TRPC4: variants seen among roughly 807,000 people sequenced by gnomAD.
TRPC4 encodes the protein transient receptor potential cation channel subfamily C member 4, also known as short transient receptor potential channel 4.
In TRPC4, 49 loss-of-function variants were observed where a neutral mutation model predicts 99.4. That is an observed-to-expected ratio of 0.49 (90% CI 0.39 to 0.63). TRPC4 has a LOEUF of 0.63. Ranked by LOEUF, TRPC4 falls within the 20% of genes least tolerant of loss-of-function variation. The probability of loss-of-function intolerance (pLI) is 0.00; values close to 1 mark genes in which losing one functional copy is unlikely to be tolerated. For synonymous variants in TRPC4, 454 were observed against 425.9 expected, an observed-to-expected ratio of 1.07 and a Z score of -0.81; for missense variants, 898 against 1,152.9, an observed-to-expected ratio of 0.78 and a Z score of 3.20.
At position 37,655,365 on chromosome 13, in the gene TRPC4, T is replaced by TTATATATATATA. The variant is rs61181512; in HGVS notation, c.1689-94_1689-83dup. On this transcript the variant is annotated intron_variant, in intron 6 of 10. Transcript: ENST00000379705. ...GATAAAACAATAAAGCTTGGCATGA[T>TTATATATATATA]TATATATATATATATATATAATTAA... 368 of 370,922 alleles carry TTATATATATATA rather than the reference T, an allele frequency of 9.9e-4. 2 individuals carry two copies. Among genetic ancestry groups the TTATATATATATA allele is most frequent in the African/African-American group, 8.9e-3 (343 of 38,500 alleles). 23.0% of individuals were successfully genotyped at this position (370,922 alleles called of 1,614,324 possible).
intron 1 of TRPC4, among the ~76,000 whole-genome samples, chr13:37,862,963 T>G (rs1959482398): frequency 6.6e-6 from 1 of 151,540 alleles, no homozygotes; most frequent in South Asian, 2.1e-4. Flanking sequence ...ACTGTACTTT[T>G]TCTATGTTTA....
intron 3 of TRPC4, among the ~76,000 whole-genome samples, chr13:37,710,798 AG>A (rs1257686115): frequency 6.6e-6 from 1 of 151,890 alleles, no homozygotes; most frequent in Non-Finnish European, 1.5e-5. Flanking sequence ...GGATTTTATC[AG>A]TTACAGATTT....
At chr13:37,754,257 C>T (rs1956036939) in intron 2 of TRPC4, among the ~76,000 whole-genome samples, 1 of 152,066 alleles carries the variant, frequency 6.6e-6, no homozygotes. Context: ...AACTCTTCCT[C>T]CTTCCTTTTG....
chr13:37,695,078 G>T (rs1322573721), intron 3 of TRPC4, among the ~76,000 whole-genome samples: 2 of 151,850 alleles, frequency 1.3e-5, no homozygotes, highest in East Asian at 3.9e-4. Context: ...TTATATTATG[G>T]GATTTTTCAG....
chr13:37,822,326 C>T (rs551630599), intron 1 of TRPC4, among the ~76,000 whole-genome samples: 4 of 151,944 alleles, frequency 2.6e-5, no homozygotes, highest in African/African-American at 7.2e-5. Context: ...GCACAATGTG[C>T]AGGTTAGTTA....
chr13:37,708,664 CACACACACAT>C (rs1954371514), intron 3 of TRPC4, among the ~76,000 whole-genome samples: 2 of 149,664 alleles, frequency 1.3e-5, no homozygotes, highest in African/African-American at 4.9e-5. Flanking sequence ...TATATATATA[CACACACACAT>C]ACACACACAT....
chr13:37,646,930 A>G (rs7335337), intron 8 of TRPC4, among the ~76,000 whole-genome samples: 5,163 of 152,330 alleles, frequency 0.034, 284 homozygotes, highest in African/African-American at 0.11. Context: ...GTTGTGCTCA[A>G]TAATACAGCA....
intron 2 of TRPC4, among the ~76,000 whole-genome samples, chr13:37,757,097 T>A (rs369422568): frequency 1.0e-5 from 1 of 99,430 alleles, no homozygotes; most frequent in Non-Finnish European, 2.3e-5. Flanking sequence ...CATTAAAAAA[T>A]ATGCAATGTG....
Position 37,806,835 on chromosome 13 carries a change from A to G in TRPC4, c.-27-23475T>C, listed in dbSNP as rs1490967523. On this transcript the variant is annotated intron_variant, in intron 1 of 10. Transcript: ENST00000379705. The stretch of plus-strand genomic sequence containing the variant: ...CATTCTACTAGTGTCACGTCCAAAC[A>G]TAAGCTGTAGTGCCTCTTCACACAC... Among the ~76,000 whole-genome samples the G allele has an allele frequency of 2.6e-5, 4 of 152,020 alleles. No individual in the cohort carries two copies. The East Asian group carries it at 5.8e-4, about 22-fold the overall frequency.
At chr13:37,788,412 G>A in intron 1 of TRPC4, among the ~76,000 whole-genome samples, 1 of 152,016 alleles carries the variant, frequency 6.6e-6, no homozygotes, top group East Asian at 1.9e-4. Context: ...CTCTAACATG[G>A]TGTTTATCCT....
chr13:37,855,959 T>A (rs1194495440), intron 1 of TRPC4, among the ~76,000 whole-genome samples: 1 of 151,780 alleles, frequency 6.6e-6, no homozygotes, highest in African/African-American at 2.4e-5. Flanking sequence ...GATTTAAGGA[T>A]GCTTCTTACA....
intron 3 of TRPC4, among the ~76,000 whole-genome samples, chr13:37,726,007 C>T (rs1239143448): frequency 1.3e-5 from 2 of 152,042 alleles, no homozygotes; most frequent in East Asian, 1.9e-4. Flanking sequence ...ACCAGCATGG[C>T]CAATATGGTG....
chr13:37,814,341 G>GA (rs34394716), intron 1 of TRPC4, among the ~76,000 whole-genome samples: 43,698 of 150,294 alleles, frequency 0.29, 6,533 homozygotes, highest in East Asian at 0.43. Context: ...TTAGGTAAGG[G>GA]AAAAAAAAGG....
At chr13:37,637,853 T>A (rs1951583976) in intron 10 of TRPC4, among the ~76,000 whole-genome samples, 1 of 152,152 alleles carries the variant, frequency 6.6e-6, no homozygotes, top group Non-Finnish European at 1.5e-5. Context: ...CTAAGGCTGA[T>A]GCAAAAAGAA....
chr13:37,639,271 T>C lies in TRPC4; in HGVS notation c.2108A>G (p.His703Arg). Residue 703 changes from histidine (H) to arginine (R), a missense_variant, in exon 9 of 11, where the codon CAT (histidine) becomes CGT (arginine). This residue lies in a region of TRPC4 where 346 missense variants were observed against 351.4 expected (regional missense o/e 0.98). Transcript: ENST00000379705. ...GRRAADNLRR[H>R]HQYQEVMRNL... ...AGGACAACTTACTTGGTATTGGTGA[T>C]GTCTTCTCAAGTTATCAGCAGCTCG... The C allele has an allele frequency of 6.2e-7, 1 of 1,613,746 alleles. No individual in the cohort carries two copies. The highest frequency in any genetic ancestry group is 8.5e-7 in the Non-Finnish European group (1 of 1,179,692).
intron 1 of TRPC4, among the ~76,000 whole-genome samples, chr13:37,812,265 T>C (rs1957722183): frequency 1.4e-5 from 2 of 146,238 alleles, no homozygotes; most frequent in African/African-American, 5.1e-5. Flanking sequence ...TTTATAAAAA[T>C]GCAAACATTT....
At chr13:37,842,343 CAAAAAA>C (rs57428116) in intron 1 of TRPC4, among the ~76,000 whole-genome samples, 10 of 15,646 alleles carry the variant, frequency 6.4e-4, no homozygotes, top group African/African-American at 7.6e-4. Context: ...AGCGTCTAGC[CAAAAAA>C]AAAAAAAAAA....
At chr13:37,795,996 A>G (rs973148309) in intron 1 of TRPC4, among the ~76,000 whole-genome samples, 1 of 152,148 alleles carries the variant, frequency 6.6e-6, no homozygotes, top group Non-Finnish European at 1.5e-5. Context: ...TGATGGTTTC[A>G]GTGAGAAATC....
At chr13:37,779,451 C>A (rs969586297) in intron 2 of TRPC4, among the ~76,000 whole-genome samples, 6 of 151,112 alleles carry the variant, frequency 4.0e-5, no homozygotes, top group Admixed American at 1.3e-4. Context: ...AAATTCAATA[C>A]CCTGATTTAT....
Sources: allele counts gnomAD v4.1 joint callset (sites outside exome capture counted in the v4.1 genomes callset), GRCh38; gene constraint gnomAD v4.1.1; regional missense constraint gnomAD v4.1.1; transcripts MANE v1.5; gene names NCBI Gene and HGNC (gene_info 2026-07-23, HGNC 2026-07-21).